GDPD4: variants seen among roughly 807,000 people sequenced by gnomAD.
GDPD4 encodes glycerophosphodiester phosphodiesterase domain containing 4.
Under a neutral mutation model 67.8 loss-of-function variants are expected in GDPD4, and 60 were observed. That is an observed-to-expected ratio of 0.88 (90% CI 0.72 to 1.10). GDPD4 has a LOEUF of 1.10. Ranked by LOEUF, GDPD4 falls within the 50% of genes least tolerant of loss-of-function variation. GDPD4 has a pLI of 0.00. For missense variants in GDPD4, 623 were observed against 613.9 expected (o/e 1.01, Z -0.16); for synonymous variants, 212 against 210.9 (o/e 1.00, Z -0.04).
chr11:77,216,871 G>A lies in GDPD4; in HGVS notation c.*406C>T, dbSNP rs552866302. On this transcript the variant is annotated 3_prime_UTR_variant, in exon 17 of 17. Coordinates refer to ENST00000315938, the MANE Select transcript of GDPD4 (RefSeq NM_182833.3). ...CACAGAAGGCTATGTCAGATGCAAT[G>A]GAATATATTGTGACATAGGATTATT... The A allele has an allele frequency of 4.2e-5, 28 of 665,302 alleles. No individual in the cohort carries two copies. In the African/African-American group the frequency reaches 4.7e-4, roughly 11 times the overall value. 41.2% of individuals were successfully genotyped at this position (665,302 alleles called of 1,614,324 possible).
intron 10 of GDPD4, among the ~76,000 whole-genome samples, chr11:77,261,222 G>A (rs1959110292): frequency 6.6e-6 from 1 of 151,766 alleles, no homozygotes; most frequent in South Asian, 2.1e-4. Context: ...GTTAACTGAA[G>A]ATGCTTTGGG....
At chr11:77,240,089 C>T (rs1262196910) in intron 13 of GDPD4, among the ~76,000 whole-genome samples, 1 of 151,536 alleles carries the variant, frequency 6.6e-6, no homozygotes, top group African/African-American at 2.4e-5. Context: ...ACAGATTCAA[C>T]ATAATCCCTC....
intron 16 of GDPD4, 77 bp from the exon 17 acceptor site, chr11:77,217,391 A>C (rs1294654250): frequency 1.7e-5 from 20 of 1,172,574 alleles, no homozygotes; most frequent in Non-Finnish European, 2.3e-5. Flanking sequence ...AATTCAAGTT[A>C]TCTCTTAAAT....
intron 10 of GDPD4, among the ~76,000 whole-genome samples, chr11:77,263,931 G>T (rs1959165218): frequency 6.6e-6 from 1 of 152,090 alleles, no homozygotes; most frequent in African/African-American, 2.4e-5. Flanking sequence ...CAAGCTTATT[G>T]GGATCTTTCA....
At position 77,216,831 on chromosome 11, in the gene GDPD4, ATTC is replaced by A. The variant is rs142202405; in HGVS notation, c.*443_*445del. ...GGAAGAAGCAGGGGAGATGTGGCTA[ATTC>A]TTCTTTGGAAACACAGAAGGCTATG... On this transcript the variant is annotated 3_prime_UTR_variant, in exon 17 of 17. Coordinates refer to ENST00000315938, the MANE Select transcript of GDPD4 (RefSeq NM_182833.3). The A allele has an allele frequency of 0.3, 188,232 of 624,356 alleles. 31,139 individuals carry two copies. Among genetic ancestry groups the A allele is most frequent in the South Asian group, 0.4 (21,173 of 52,404 alleles). The allele number at this position is 624,356 out of a possible 1,614,324, so 38.7% of individuals were successfully genotyped here.
chr11:77,280,419 C>T (rs193077382), intron 3 of GDPD4, among the ~76,000 whole-genome samples: 73 of 139,266 alleles, frequency 5.2e-4, no homozygotes, highest in Non-Finnish European at 9.3e-4. Context: ...AAAAAATTTT[C>T]GAAATTAAAA....
At position 77,250,809 on chromosome 11, in the gene GDPD4, A is replaced by T. The variant is rs1393048209; in HGVS notation, c.865-5307T>A. Among the ~76,000 whole-genome samples, 4 of 151,980 alleles carry T rather than the reference A, an allele frequency of 2.6e-5. No individual in the cohort carries two copies. In the East Asian group the frequency reaches 7.7e-4, roughly 29 times the overall value. On this transcript the variant is annotated intron_variant, in intron 11 of 16. Coordinates refer to ENST00000315938, the MANE Select transcript of GDPD4 (RefSeq NM_182833.3). ...TTTCTCCCCCTTTAAATCTAATAAT[A>T]TTTGCTTTATATGTCTGGGTGCTTT...
At position 77,216,675 on chromosome 11, in the gene GDPD4, T is replaced by C. The variant is rs1252147796; in HGVS notation, c.*602A>G. 1 of 523,262 alleles carries C rather than the reference T, an allele frequency of 1.9e-6. No homozygotes were observed. The highest frequency in any genetic ancestry group is 3.4e-6 in the Non-Finnish European group (1 of 292,838). The allele number at this position is 523,262 out of a possible 1,614,324, so 32.4% of individuals were successfully genotyped here. A position where few individuals can be genotyped will look rare whatever the true frequency, so the allele number is the denominator to read the frequency against. On this transcript the variant is annotated 3_prime_UTR_variant, in exon 17 of 17. Transcript: ENST00000315938. ...CAGTTCCAAGACCACACACAGCAGT[T>C]TTCCCCTTGCCTAGCCCCTTGAGAT...
At chr11:77,282,686 C>CA (rs967593020) in intron 3 of GDPD4, among the ~76,000 whole-genome samples, 32 of 140,738 alleles carry the variant, frequency 2.3e-4, no homozygotes, top group South Asian at 9.0e-4. Flanking sequence ...GACCCTGCCT[C>CA]AAAAAAAAAC....
intron 3 of GDPD4, among the ~76,000 whole-genome samples, chr11:77,282,705 C>CA (rs1453847919): frequency 2.6e-4 from 39 of 148,220 alleles, no homozygotes; most frequent in African/African-American, 9.5e-4. Flanking sequence ...ACAACAACAA[C>CA]AACAAAAAAA....
intron 10 of GDPD4, among the ~76,000 whole-genome samples, chr11:77,262,150 C>T (rs1959131831): frequency 6.6e-6 from 1 of 152,148 alleles, no homozygotes; most frequent in Admixed American, 6.5e-5. Flanking sequence ...TCTTTCTATT[C>T]ACAACAGACA....
At chr11:77,271,419 T>C in intron 5 of GDPD4, 26 bp from the exon 6 acceptor site, 2 of 1,426,732 alleles carry the variant, frequency 1.4e-6, no homozygotes, top group Non-Finnish European at 2.0e-6. Context: ...AAAAATCTCC[T>C]GACTTCAAGC....
chr11:77,269,066 A>T lies in GDPD4; in HGVS notation c.482T>A (p.Leu161Gln), dbSNP rs763140464. 5 of 1,612,268 alleles carry T rather than the reference A, an allele frequency of 3.1e-6. No individual in the cohort carries two copies. The African/African-American group carries it at 6.7e-5, about 22-fold the overall frequency. ...AAAGGGTAATCCAACAGGCACTTGTAGACCTGAAAAATTTGAAAGGAAGGG... is the reference window on the plus strand; with the variant it reads ...AAAGGGTAATCCAACAGGCACTTGTTGACCTGAAAAATTTGAAAGGAAGGG... Reference protein sequence around the residue: ...QCNVITRLRGLQVPVGLPFLL... With the variant: ...QCNVITRLRGQQVPVGLPFLL... The change falls in exon 9 of 17, where the codon CTA becomes CAA. Residue 161 changes from leucine to glutamine, a missense_variant. By Grantham distance (113) the Leu-to-Gln change is moderately radical. Coordinates refer to ENST00000315938, the MANE Select transcript of GDPD4 (RefSeq NM_182833.3).
intron 11 of GDPD4, among the ~76,000 whole-genome samples, chr11:77,255,057 T>C (rs1438042851): frequency 6.6e-6 from 1 of 152,164 alleles, no homozygotes; most frequent in Non-Finnish European, 1.5e-5. Flanking sequence ...ACAACCATAT[T>C]TGAACCCCAG....
chr11:77,243,386 C>T (rs1958710203), intron 13 of GDPD4, among the ~76,000 whole-genome samples: 1 of 152,112 alleles, frequency 6.6e-6, no homozygotes, highest in South Asian at 2.1e-4. Context: ...TCAACGTCCA[C>T]CTTTTATATA....
At chr11:77,289,400 G>A (rs989243019) in intron 1 of GDPD4, among the ~76,000 whole-genome samples, 8 of 149,834 alleles carry the variant, frequency 5.3e-5, no homozygotes, top group African/African-American at 7.4e-5. Context: ...GAGGGAAGAC[G>A]GAAAGAGACA....
At chr11:77,282,375 C>CT (rs1304521852) in intron 3 of GDPD4, among the ~76,000 whole-genome samples, 3 of 152,062 alleles carry the variant, frequency 2.0e-5, no homozygotes, top group African/African-American at 7.2e-5. Flanking sequence ...GAACACAGGG[C>CT]TGGGTGCGGT....
At position 77,258,470 on chromosome 11, in the gene GDPD4, T is replaced by G; in HGVS notation, c.780A>C (p.Pro260=). ...AGGCAGGGTTCTCGCAGGCAGATTC[T>G]GGCTGAACTTCCCCAATATTGGTTG... The part of the protein sequence containing the change: ...KRTTNIGEVQ[P]ESACENPAFF... The change falls in exon 11 of 17, where the codon CCA becomes CCC. Residue 260 remains proline (P), a synonymous_variant. Coordinates refer to ENST00000315938, the MANE Select transcript of GDPD4 (RefSeq NM_182833.3). 1 of 1,614,118 alleles carries G rather than the reference T, an allele frequency of 6.2e-7. No individual in the cohort carries two copies. Among genetic ancestry groups the G allele is most frequent in the South Asian group, 1.1e-5 (1 of 91,078 alleles).
At chr11:77,227,836 C>A in intron 16 of GDPD4, 28 bp downstream of exon 16, 1 of 1,572,052 alleles carries the variant, frequency 6.4e-7, no homozygotes, top group South Asian at 1.1e-5. Flanking sequence ...GATGAAGAGA[C>A]AGGAGTGGGC....
Sources: allele counts gnomAD v4.1 joint callset (sites outside exome capture counted in the v4.1 genomes callset), GRCh38; gene constraint gnomAD v4.1.1; transcripts MANE v1.5; gene names NCBI Gene and HGNC (gene_info 2026-07-23, HGNC 2026-07-21).